EHD4: variants seen among roughly 807,000 people sequenced by gnomAD.
The protein encoded by EHD4 is EH domain-containing protein 4.
In EHD4, 37 loss-of-function variants were observed where a neutral mutation model predicts 51.0. The observed-to-expected ratio is 0.73, with a 90% CI of 0.56 to 0.95. The LOEUF (loss-of-function observed/expected upper bound fraction) is 0.95. Among genes scored for constraint, EHD4 ranks in the 40% least tolerant of loss-of-function variants. EHD4 has a pLI of 0.00. For missense variants in EHD4, 632 were observed against 733.1 expected, an observed-to-expected ratio of 0.86 and a Z score of 1.59; for synonymous variants, 297 against 317.3, an observed-to-expected ratio of 0.94 and a Z score of 0.68.
intron 4 of EHD4, among the ~76,000 whole-genome samples, chr15:41,914,274 T>C (rs2067568716): frequency 1.3e-5 from 2 of 152,218 alleles, no homozygotes; most frequent in African/African-American, 4.8e-5. Flanking sequence ...TAACGCAACC[T>C]GCTGGAGACC....
At chr15:41,954,916 C>T (rs2067876879) in intron 1 of EHD4, among the ~76,000 whole-genome samples, 1 of 152,252 alleles carries the variant, frequency 6.6e-6, no homozygotes, top group Admixed American at 6.5e-5. Flanking sequence ...AGGCATGAGC[C>T]ACCGCAACTG....
chr15:41,924,804 C>A (rs534433780), intron 3 of EHD4, among the ~76,000 whole-genome samples: 1 of 152,238 alleles, frequency 6.6e-6, no homozygotes, highest in East Asian at 1.9e-4. Context: ...CGCCTGTAAT[C>A]CCAGCATTTT....
intron 5 of EHD4, among the ~76,000 whole-genome samples, chr15:41,902,936 C>T (rs2067487636): frequency 6.6e-6 from 1 of 150,856 alleles, no homozygotes. Flanking sequence ...CTCAGTTGCC[C>T]AGGGGGACCC....
At chr15:41,943,327 G>A (rs2067789386) in intron 2 of EHD4, among the ~76,000 whole-genome samples, 163 bp from the exon 3 acceptor site, 1 of 152,174 alleles carries the variant, frequency 6.6e-6, no homozygotes, top group Admixed American at 6.5e-5. Context: ...TGTGAAGTAG[G>A]AGCTTGGAGG....
intron 3 of EHD4, among the ~76,000 whole-genome samples, chr15:41,925,643 A>G (rs1481400438): frequency 2.0e-5 from 3 of 152,242 alleles, no homozygotes; most frequent in African/African-American, 7.2e-5. Context: ...GGAACAAAAA[A>G]GAGATGTAAT....
intron 1 of EHD4, among the ~76,000 whole-genome samples, chr15:41,971,142 G>C (rs899866086): frequency 6.6e-6 from 1 of 152,200 alleles, no homozygotes; most frequent in African/African-American, 2.4e-5. Context: ...TTCCTGTAGT[G>C]ATAGCTACTC....
intron 1 of EHD4, among the ~76,000 whole-genome samples, chr15:41,966,651 C>T (rs1272482196): frequency 6.6e-6 from 1 of 152,222 alleles, no homozygotes. Context: ...AGGAACACAA[C>T]ATGAGGAGGG....
intron 4 of EHD4, among the ~76,000 whole-genome samples, chr15:41,911,415 C>T (rs986491550): frequency 5.3e-5 from 8 of 152,040 alleles, no homozygotes; most frequent in African/African-American, 1.4e-4. Context: ...GGGCTTTAAC[C>T]GCTGTGATGA....
intron 1 of EHD4, among the ~76,000 whole-genome samples, chr15:41,956,831 T>C (rs1427149368): frequency 6.6e-6 from 1 of 152,186 alleles, no homozygotes; most frequent in African/African-American, 2.4e-5. Flanking sequence ...CTTTCACAGA[T>C]AATACAAAGT....
chr15:41,952,408 G>A (rs1444932883), intron 2 of EHD4, among the ~76,000 whole-genome samples: 2 of 152,100 alleles, frequency 1.3e-5, no homozygotes, highest in East Asian at 3.8e-4. Flanking sequence ...GCTAGACCCA[G>A]GAAAGAGGGA....
chr15:41,903,341 A>AAAC (rs398027013), intron 5 of EHD4, among the ~76,000 whole-genome samples: 1 of 139,206 alleles, frequency 7.2e-6, no homozygotes, highest in Admixed American at 7.2e-5. Context: ...AAAAAAAAAA[A>AAAC]CAGAAAAAAC....
chr15:41,967,182 C>T (rs1425886498), intron 1 of EHD4, among the ~76,000 whole-genome samples: 1 of 152,208 alleles, frequency 6.6e-6, no homozygotes, highest in African/African-American at 2.4e-5. Flanking sequence ...GTGACACCTC[C>T]CCACCCTCAC....
chr15:41,946,557 C>T (rs1316993818), intron 2 of EHD4, among the ~76,000 whole-genome samples: 4 of 152,102 alleles, frequency 2.6e-5, no homozygotes, highest in Middle Eastern at 3.2e-3. Flanking sequence ...AATGAGACTT[C>T]GTCTCTACAA....
chr15:41,951,694 C>T (rs975224872), intron 2 of EHD4, among the ~76,000 whole-genome samples: 9 of 152,318 alleles, frequency 5.9e-5, no homozygotes, highest in South Asian at 4.1e-4. Flanking sequence ...AGAGACAGAT[C>T]CTGTGCCTTG....
intron 1 of EHD4, among the ~76,000 whole-genome samples, chr15:41,970,439 C>T (rs1018815298): frequency 3.3e-5 from 5 of 152,220 alleles, no homozygotes; most frequent in Admixed American, 2.0e-4. Flanking sequence ...AATCTCAGAA[C>T]CCTTCATAAA....
At chr15:41,911,640 C>T (rs1414614754) in intron 4 of EHD4, among the ~76,000 whole-genome samples, 1 of 152,148 alleles carries the variant, frequency 6.6e-6, no homozygotes, top group Non-Finnish European at 1.5e-5. Context: ...AGTATGTTCT[C>T]TATGTATACC....
At chr15:41,942,487 C>T (rs2067779870) in intron 3 of EHD4, 1 of 152,564 alleles carries the variant, frequency 6.6e-6, no homozygotes, top group Non-Finnish European at 1.5e-5. Flanking sequence ...TCAGCTGATC[C>T]ACCTGCCTCG....
chr15:41,914,532 C>G (rs150928219), intron 4 of EHD4, among the ~76,000 whole-genome samples: 3 of 152,248 alleles, frequency 2.0e-5, no homozygotes, highest in African/African-American at 7.2e-5. Flanking sequence ...TTCCGTGCAG[C>G]CTTAAAGGGG....
At chr15:41,963,091 G>A (rs1347763658) in intron 1 of EHD4, among the ~76,000 whole-genome samples, 5 of 152,132 alleles carry the variant, frequency 3.3e-5, no homozygotes, top group African/African-American at 1.2e-4. Context: ...ATGCCTGAAG[G>A]CAGCATACTC....
Sources: gnomAD v4.1 joint callset for allele counts (sites outside exome capture counted in the v4.1 genomes callset) on GRCh38, gnomAD v4.1.1 for gene constraint, MANE v1.5 for transcripts, NCBI Gene and HGNC (gene_info 2026-07-23, HGNC 2026-07-21) for gene names.